NAXE: variants seen among roughly 807,000 people sequenced by gnomAD.
The protein encoded by NAXE is NAD(P)H-hydrate epimerase.
In NAXE, 25 loss-of-function variants were observed where a neutral mutation model predicts 31.2. The observed-to-expected ratio is 0.80, with a 90% CI of 0.58 to 1.12. The LOEUF (loss-of-function observed/expected upper bound fraction) is 1.12, where lower values mean the gene tolerates loss of function less well. Ranked by LOEUF, NAXE falls within the 50% of genes most tolerant of loss-of-function variation. NAXE has a pLI of 0.00. For missense variants in NAXE, 362 were observed against 376.1 expected, an observed-to-expected ratio of 0.96 and a Z score of 0.31; for synonymous variants, 144 against 154.5, an observed-to-expected ratio of 0.93 and a Z score of 0.50.
Position 156,591,784 on chromosome 1 carries a change from G to GGGCCGGGGGC in NAXE, c.-20_-19insGCCGGGGGCG. 7.9e-7 allele frequency: 1 copy of GGGCCGGGGGC among 1,271,960 alleles called. No homozygotes were observed. The highest frequency in any genetic ancestry group is 1.0e-6 in the Non-Finnish European group (1 of 979,216). The allele number at this position is 1,271,960 out of a possible 1,614,324, so 78.8% of individuals were successfully genotyped here. A position where few individuals can be genotyped will look rare whatever the true frequency, so the allele number is the denominator to read the frequency against. ...TGCGCCGGGGCCGGGCCGGGCCGGG[G>GGGCCGGGGGC]GCGCGCGCTCTGCGAGCTGGATGTC... On this transcript the variant is annotated 5_prime_UTR_variant, in exon 1 of 6. Coordinates refer to ENST00000368235, the MANE Select transcript of NAXE (RefSeq NM_144772.3).
At chr1:156,592,897 C>T in intron 4 of NAXE, 2 of 558,488 alleles carry the variant, frequency 3.6e-6, no homozygotes, top group Non-Finnish European at 6.4e-6. Context: ...TCTCCCTGGT[C>T]CCTCCTTCCA....
chr1:156,592,666 C>T lies in NAXE; in HGVS notation c.512C>T (p.Ala171Val), dbSNP rs369183498. ...MDIPFLGEMPAEPMTIDELYE... is the reference protein window; with the variant it reads ...MDIPFLGEMPVEPMTIDELYE... ...ATCCCTTTCCTTGGGGAAATGCCCG[C>T]AGAGGTAGGTGGCTCCAGTTGAATA... Residue 171 changes from alanine to valine, a missense_variant, in exon 4 of 6, where the codon GCA becomes GTA. Coordinates refer to ENST00000368235, the MANE Select transcript of NAXE (RefSeq NM_144772.3). 8.1e-6 allele frequency: 13 copies of T among 1,612,606 alleles called. No homozygotes were observed. Among genetic ancestry groups the T allele is most frequent in the Non-Finnish European group, 1.1e-5 (13 of 1,178,794 alleles).
At chr1:156,592,954 C>A in intron 4 of NAXE, 1 of 470,944 alleles carries the variant, frequency 2.1e-6, no homozygotes, top group Non-Finnish European at 3.8e-6. Flanking sequence ...AACACATGAT[C>A]TACCCCTCAG....
Position 156,592,168 on chromosome 1 carries a change from A to G in NAXE, c.250A>G (p.Met84Val), listed in dbSNP as rs1339526251. The change falls in exon 2 of 6, where the codon ATG becomes GTG. Residue 84 changes from methionine (M) to valine (V), a missense_variant. Physicochemically the swap from Met to Val is conservative, Grantham distance 21. Transcript: ENST00000368235. Reference protein sequence around the residue: ...NEYQFSVDQLMELAGLSCATA... With the variant: ...NEYQFSVDQLVELAGLSCATA... The stretch of plus-strand genomic sequence containing the variant: ...ATACCAGTTCAGCGTGGACCAACTT[A>G]TGGAACTGGCCGGGCTGAGCTGTGC... 1.9e-6 allele frequency: 3 copies of G among 1,614,060 alleles called. No homozygotes were observed. The highest frequency in any genetic ancestry group is 2.5e-6 in the Non-Finnish European group (3 of 1,180,038).
In NAXE at chr1:156,592,627, G is replaced by T. The variant is rs149086062; in HGVS notation, c.473G>T (p.Cys158Phe). Residue 158 changes from cysteine to phenylalanine, a missense_variant, in exon 4 of 6, where the codon TGT (cysteine) becomes TTT (phenylalanine). Transcript: ENST00000368235. ...KPLFTALVTQ[C>F]QKMDIPFLGE... ...CTCTTCACTGCATTGGTGACCCAGT[G>T]TCAGAAAATGGACATCCCTTTCCTT... The T allele has an allele frequency of 1.9e-6, 3 of 1,614,072 alleles. No homozygotes were observed. In the Admixed American group the frequency reaches 5.0e-5, roughly 27 times the overall value.
Position 156,594,050 on chromosome 1 carries a change from A to G in NAXE, c.833A>G (p.Tyr278Cys). 6.2e-7 allele frequency: 1 copy of G among 1,613,900 alleles called. No homozygotes were observed. The highest frequency in any genetic ancestry group is 8.5e-7 in the Non-Finnish European group (1 of 1,179,958). Residue 278 changes from tyrosine to cysteine, a missense_variant, in exon 6 of 6, where the codon TAC (tyrosine) becomes TGC (cysteine). Physicochemically the swap from Tyr to Cys is radical, Grantham distance 194 (BLOSUM62 -2). Transcript: ENST00000368235. ...AAGTACCAGCTGAACCTGCCACCCT[A>G]CCCTGACACCGAGTGTGTCTATCGT... ...EKKYQLNLPP[Y>C]PDTECVYRLQ
At chr1:156,592,736 G>C (rs1677369683) in intron 4 of NAXE, 66 bp downstream of exon 4, 4 of 1,432,354 alleles carry the variant, frequency 2.8e-6, no homozygotes, top group Non-Finnish European at 3.9e-6. Context: ...CTCTTCCTTC[G>C]TGTTTCCAGG....
chr1:156,592,971 G>C (rs1479704451), intron 4 of NAXE: 5 of 438,546 alleles, frequency 1.1e-5, no homozygotes, highest in Non-Finnish European at 2.0e-5. Flanking sequence ...TCAGGGGCCG[G>C]AGTGGCTGCC....
In NAXE at chr1:156,592,574, C is replaced by G. The variant is rs1677361558; in HGVS notation, c.420C>G (p.Ile140Met). Reference sequence around the variant, plus strand: ...CTTCCTAGGGCTACGAGCCAACCATCTATTACCCCAAAAGGCCTAACAAGC... The same window carrying G: ...CTTCCTAGGGCTACGAGCCAACCATGTATTACCCCAAAAGGCCTAACAAGC... Reference protein sequence around the residue: ...HLKLFGYEPTIYYPKRPNKPL... With the variant: ...HLKLFGYEPTMYYPKRPNKPL... The change falls in exon 4 of 6, where the codon ATC becomes ATG. Residue 140 changes from isoleucine (I) to methionine (M), a missense_variant. By Grantham distance (10) the Ile-to-Met change is conservative. Coordinates refer to ENST00000368235, the MANE Select transcript of NAXE (RefSeq NM_144772.3). 3 of 1,614,060 alleles carry G rather than the reference C, an allele frequency of 1.9e-6. No individual in the cohort carries two copies. The highest frequency in any genetic ancestry group is 1.7e-6 in the Non-Finnish European group (2 of 1,180,024).
At position 156,593,415 on chromosome 1, in the gene NAXE, C is replaced by T. The variant is rs767961095; in HGVS notation, c.524C>T (p.Thr175Met). ...FLGEMPAEPM[T>M]IDELYELVVD... ...TTTCCTGCTCCACCACAGCCCATGA[C>T]GATTGATGAACTGTATGAGCTGGTG... The change falls in exon 5 of 6, where the codon ACG (threonine) becomes ATG (methionine). Residue 175 changes from threonine to methionine, a missense_variant. By Grantham distance (81) the Thr-to-Met change is moderately conservative. Coordinates refer to ENST00000368235, the MANE Select transcript of NAXE (RefSeq NM_144772.3). The T allele has an allele frequency of 3.0e-5, 48 of 1,613,564 alleles. No homozygotes were observed. Among genetic ancestry groups the T allele is most frequent in the African/African-American group, 6.7e-5 (5 of 74,918 alleles).
At chr1:156,592,500 G>C in intron 3 of NAXE, 25 bp downstream of exon 3, 9 of 1,613,694 alleles carry the variant, frequency 5.6e-6, no homozygotes, top group Non-Finnish European at 6.8e-6. Flanking sequence ...AGGGGCTGTG[G>C]GGGAGGAGGG....
chr1:156,592,842 A>G (rs1677373913), intron 4 of NAXE, 172 bp downstream of exon 4: 3 of 615,084 alleles, frequency 4.9e-6, no homozygotes, highest in Admixed American at 3.1e-5. Context: ...AGTGTGCTCC[A>G]TGAGTCCCAC....
Position 156,593,541 on chromosome 1 carries a change from T to C in NAXE, c.650T>C (p.Ile217Thr). The C allele has an allele frequency of 6.2e-7, 1 of 1,614,182 alleles. No homozygotes were observed. Among genetic ancestry groups the C allele is most frequent in the Non-Finnish European group, 8.5e-7 (1 of 1,180,030 alleles). ...LKGLTVPIASIDIPSGWDVEK... is the reference protein window; with the variant it reads ...LKGLTVPIASTDIPSGWDVEK... ...GGACTCACTGTGCCCATTGCCAGCA[T>C]CGACATTCCCTCAGGTGCTGGGATC... The change falls in exon 5 of 6, where the codon ATC becomes ACC. Residue 217 changes from isoleucine (I) to threonine (T), a missense_variant. By Grantham distance (89) the Ile-to-Thr change is moderately conservative (BLOSUM62 -1). Transcript: ENST00000368235.
chr1:156,591,936 T>TG lies in NAXE; in HGVS notation c.134dup (p.Arg46ProfsTer29). ...GGGGACCGCAGCGGCTGAACTCGGGTGGCCGCTGGGACTCAGAGGTCATGG... is the reference window on the plus strand; with the variant it reads ...GGGGACCGCAGCGGCTGAACTCGGGTGGGCCGCTGGGACTCAGAGGTCATGG... On this transcript the variant is annotated frameshift_variant, in exon 1 of 6. Coordinates refer to ENST00000368235, the MANE Select transcript of NAXE (RefSeq NM_144772.3). LOFTEE classifies it high-confidence loss of function. The TG allele has an allele frequency of 6.2e-7, 1 of 1,612,678 alleles. No individual in the cohort carries two copies.
chr1:156,593,283 C>T (rs1677393122), intron 4 of NAXE, 125 bp from the exon 5 acceptor site: 3 of 1,260,054 alleles, frequency 2.4e-6, no homozygotes, highest in South Asian at 3.2e-5. Flanking sequence ...CCTCAGGCTG[C>T]CCTCTGAATG....
intron 4 of NAXE, 110 bp downstream of exon 4, chr1:156,592,780 C>A: frequency 1.0e-6 from 1 of 999,398 alleles, no homozygotes; most frequent in Non-Finnish European, 1.5e-6. Context: ...ACGGAAGGTG[C>A]CTAACGGATG....
Position 156,594,158 on chromosome 1 carries a change from C to CT in NAXE, c.*75dup. ...TTCCAGAACTGTGGATTCCTGGGAG[C>CT]TCCTCTGGCAATAAAAGTCAGTGAA... On this transcript the variant is annotated 3_prime_UTR_variant, in exon 6 of 6. Coordinates refer to ENST00000368235, the MANE Select transcript of NAXE (RefSeq NM_144772.3). The CT allele has an allele frequency of 1.3e-6, 2 of 1,497,674 alleles. No homozygotes were observed. The highest frequency in any genetic ancestry group is 3.6e-5 in the Admixed American group (2 of 55,920). 92.8% of individuals were successfully genotyped at this position (1,497,674 alleles called of 1,614,324 possible). A position where few individuals can be genotyped will look rare whatever the true frequency, so the allele number is the denominator to read the frequency against.
rs769744746 is a variant in NAXE at position 156,591,863 on chromosome 1, C to G, written c.59C>G (p.Pro20Arg). The G allele has an allele frequency of 1.2e-6, 2 of 1,611,718 alleles. No homozygotes were observed. The highest frequency in any genetic ancestry group is 4.5e-5 in the East Asian group (2 of 44,824). Reference sequence around the variant, plus strand: ...CTGCTGGTTGCGGGCTCGCGCGTGCCGCGGATCAAAAGCCAGACCATCGCC... The same window carrying G: ...CTGCTGGTTGCGGGCTCGCGCGTGCGGCGGATCAAAAGCCAGACCATCGCC... Reference protein sequence around the residue: ...LGLLVAGSRVPRIKSQTIACR... With the variant: ...LGLLVAGSRVRRIKSQTIACR... Residue 20 changes from proline to arginine, a missense_variant, in exon 1 of 6, where the codon CCG (proline) becomes CGG (arginine). Transcript: ENST00000368235.
In NAXE at chr1:156,594,204, C is replaced by A; in HGVS notation, c.*120C>A. 1 of 996,470 alleles carries A rather than the reference C, an allele frequency of 1.0e-6. No individual in the cohort carries two copies. The highest frequency in any genetic ancestry group is 1.5e-6 in the Non-Finnish European group (1 of 670,646). The allele number at this position is 996,470 out of a possible 1,614,324, so 61.7% of individuals were successfully genotyped here. Reference sequence around the variant, plus strand: ...GTGAATGGTGGAAGTCAGAGACCAACCCTGGGGATTGGGTGCCATCTCTCT... The same window carrying A: ...GTGAATGGTGGAAGTCAGAGACCAAACCTGGGGATTGGGTGCCATCTCTCT... On this transcript the variant is annotated 3_prime_UTR_variant, in exon 6 of 6. Coordinates refer to ENST00000368235, the MANE Select transcript of NAXE (RefSeq NM_144772.3).
Sources: gnomAD v4.1 joint callset for allele counts on GRCh38, gnomAD v4.1.1 for gene constraint, MANE v1.5 for transcripts, NCBI Gene and HGNC (gene_info 2026-07-23, HGNC 2026-07-21) for gene names.